The following ROBO2 variants were observed in gnomAD, a reference collection of about 807,000 sequenced individuals.
ROBO2 encodes roundabout homolog 2.
ROBO2 carries 53 observed loss-of-function variants against 160.8 expected under a neutral mutation model. The ratio of observed to expected loss-of-function variants is 0.33; its 90% CI spans 0.26 to 0.41. ROBO2 has a LOEUF of 0.41. Among genes scored for constraint, ROBO2 ranks in the 10% least tolerant of loss-of-function variants. The probability of loss-of-function intolerance (pLI) is 1.00; values close to 1 mark genes in which losing one functional copy is unlikely to be tolerated. For missense variants in ROBO2, 1,577 were observed against 1,722.4 expected (o/e 0.92, Z 1.49); for synonymous variants, 664 against 611.7 (o/e 1.09, Z -1.26).
chr3:77,422,862 TA>T (rs962469417), intron 2 of ROBO2, among the ~76,000 whole-genome samples: 1 of 152,178 alleles, frequency 6.6e-6, no homozygotes, highest in Non-Finnish European at 1.5e-5. Flanking sequence ...AAGTACCCTT[TA>T]AATAAAACAC....
chr3:77,292,103 G>A (rs1480087951), intron 2 of ROBO2, among the ~76,000 whole-genome samples: 3 of 151,736 alleles, frequency 2.0e-5, no homozygotes, highest in African/African-American at 7.3e-5. Flanking sequence ...ACGGTTAAAC[G>A]GGTAAGCTGA....
At position 75,964,339 on chromosome 3, in the gene ROBO2, C is replaced by T. The variant is rs144959381; in HGVS notation, c.109+26737C>T. Among the ~76,000 whole-genome samples the T allele has an allele frequency of 2.8e-4, 43 of 151,664 alleles. No homozygotes were observed. In the East Asian group the frequency reaches 4.7e-3, roughly 17 times the overall value. The stretch of plus-strand genomic sequence containing the variant: ...ACAAGAAATATGGTTGTGGTTTTTA[C>T]GTAAAGCTTTTATATAGTTCCTTTA... On this transcript the variant is annotated intron_variant, in intron 2 of 26. Coordinates refer to the ROBO2 transcript ENST00000487694.
At chr3:76,788,437 A>T (rs1309877673) in intron 2 of ROBO2, among the ~76,000 whole-genome samples, 1 of 151,480 alleles carries the variant, frequency 6.6e-6, no homozygotes, top group Non-Finnish European at 1.5e-5. Flanking sequence ...CCAAGTAAGA[A>T]AAACTAGGCC....
At chr3:76,146,437 C>G (rs1325963679) in intron 2 of ROBO2, among the ~76,000 whole-genome samples, 1 of 151,842 alleles carries the variant, frequency 6.6e-6, no homozygotes, top group African/African-American at 2.4e-5. Flanking sequence ...TGAACAAATC[C>G]TTTTTCCTCT....
At position 75,960,794 on chromosome 3, in the gene ROBO2, A is replaced by G. The variant is rs935713812; in HGVS notation, c.109+23192A>G. Among the ~76,000 whole-genome samples, 7 of 151,750 alleles carry G rather than the reference A, an allele frequency of 4.6e-5. No individual in the cohort carries two copies. The East Asian group carries it at 5.8e-4, about 13-fold the overall frequency. On this transcript the variant is annotated intron_variant, in intron 2 of 26. Transcript: ENST00000487694. ...CCTGACACTTTATGCCTTAATTTCT[A>G]AAAGAAAAAAAGAGAACTTCCTAAA...
chr3:76,826,453 G>C (rs1472687633), intron 2 of ROBO2, among the ~76,000 whole-genome samples: 2 of 152,052 alleles, frequency 1.3e-5, no homozygotes, highest in Non-Finnish European at 2.9e-5. Flanking sequence ...TTACGTCATA[G>C]CACTTTTATA....
At position 76,473,181 on chromosome 3, in the gene ROBO2, AGTT is replaced by A. The variant is rs1392194919; in HGVS notation, c.109+535586_109+535588del. Among the ~76,000 whole-genome samples the A allele has an allele frequency of 2.6e-5, 4 of 152,002 alleles. No individual in the cohort carries two copies. The East Asian group carries it at 5.8e-4, about 22-fold the overall frequency. On this transcript the variant is annotated intron_variant, in intron 2 of 26. Transcript: ENST00000487694. ...TCATTCCAGGCTTCCAGTCTTTTTG[AGTT>A]GTTGTTTTCTTCTATATGTAATTCA...
rs538316054 is a variant in ROBO2 at position 76,248,143 on chromosome 3, A to G, written c.109+310541A>G. Among the ~76,000 whole-genome samples, 360 of 152,092 alleles carry G rather than the reference A, an allele frequency of 2.4e-3. 7 individuals are homozygous for G. The highest frequency in any genetic ancestry group is 8.3e-3 in the African/African-American group (343 of 41,382). ...TGACTCAGCCATCCCATTACTGGGT[A>G]TATACCCAAAGGACTATAAATCATG... On this transcript the variant is annotated intron_variant, in intron 2 of 26. Coordinates refer to the ROBO2 transcript ENST00000487694.
intron 21 of ROBO2, among the ~76,000 whole-genome samples, chr3:77,614,501 T>C (rs1425500066): frequency 6.6e-6 from 1 of 152,150 alleles, no homozygotes; most frequent in African/African-American, 2.4e-5. Flanking sequence ...TTATAGTAGA[T>C]ATTTAGGAGG....
chr3:76,493,014 T>C (rs1257643443), intron 2 of ROBO2, among the ~76,000 whole-genome samples: 1 of 152,064 alleles, frequency 6.6e-6, no homozygotes, highest in Non-Finnish European at 1.5e-5. Context: ...GTTGAAGTAT[T>C]TGCACTCACT....
At chr3:76,543,027 T>C (rs1477610241) in intron 2 of ROBO2, among the ~76,000 whole-genome samples, 1 of 152,224 alleles carries the variant, frequency 6.6e-6, no homozygotes, top group Non-Finnish European at 1.5e-5. Context: ...GAAACAATGA[T>C]GTTTCTCAGG....
At chr3:76,637,971 A>C (rs549040461) in intron 2 of ROBO2, among the ~76,000 whole-genome samples, 2 of 152,342 alleles carry the variant, frequency 1.3e-5, no homozygotes, top group Admixed American at 6.5e-5. Context: ...ATTCAGATGA[A>C]TAGAACTGAC....
chr3:76,343,666 T>A (rs1448088756), intron 2 of ROBO2, among the ~76,000 whole-genome samples: 1 of 151,898 alleles, frequency 6.6e-6, no homozygotes, highest in Non-Finnish European at 1.5e-5. Flanking sequence ...AAGCAAGACA[T>A]AAATCAGGAA....
At chr3:76,980,570 T>C (rs2149324709) in intron 2 of ROBO2, among the ~76,000 whole-genome samples, 1 of 152,270 alleles carries the variant, frequency 6.6e-6, no homozygotes, top group East Asian at 1.9e-4. Context: ...AAATAAAATA[T>C]CTTTTCTCTT....
intron 2 of ROBO2, among the ~76,000 whole-genome samples, chr3:76,231,010 C>T (rs571185676): frequency 7.2e-5 from 11 of 152,166 alleles, no homozygotes; most frequent in Admixed American, 4.6e-4. Flanking sequence ...GAGAGAGGCA[C>T]GAATCACGTG....
chr3:76,728,364 T>A (rs2093584868), intron 2 of ROBO2, among the ~76,000 whole-genome samples: 1 of 152,194 alleles, frequency 6.6e-6, no homozygotes, highest in African/African-American at 2.4e-5. Context: ...CACTATGAAA[T>A]ACGTTTATTA....
rs946670735 is a variant in ROBO2 at position 76,241,372 on chromosome 3, A to G, written c.109+303770A>G. ...TCCATCAATAAACATATTCGCATTC[A>G]GTGAACAAACACTTACTGGTCATTT... On this transcript the variant is annotated intron_variant, in intron 2 of 26. Transcript: ENST00000487694. Among the ~76,000 whole-genome samples, 18 of 152,366 alleles carry G rather than the reference A, an allele frequency of 1.2e-4. No homozygotes were observed. In the East Asian group the frequency reaches 3.3e-3, roughly 28 times the overall value.
chr3:77,334,999 A>G (rs2066345537), intron 2 of ROBO2, among the ~76,000 whole-genome samples: 3 of 152,144 alleles, frequency 2.0e-5, no homozygotes, highest in Non-Finnish European at 2.9e-5. Context: ...AAACTAAAAG[A>G]AGTTAAAACT....
chr3:76,329,191 G>T (rs886612110), intron 2 of ROBO2, among the ~76,000 whole-genome samples: 12 of 152,050 alleles, frequency 7.9e-5, no homozygotes, highest in Non-Finnish European at 1.3e-4. Flanking sequence ...CGCTACTCCT[G>T]CCGCAGTGAA....
Sources: gnomAD v4.1 joint callset for allele counts (sites outside exome capture counted in the v4.1 genomes callset) on GRCh38, gnomAD v4.1.1 for gene constraint, MANE v1.5 for transcripts, NCBI Gene and HGNC (gene_info 2026-07-23, HGNC 2026-07-21) for gene names.